MAP3K14: variants seen among roughly 807,000 people sequenced by gnomAD.
The protein encoded by MAP3K14 is mitogen-activated protein kinase kinase kinase 14.
Under a neutral mutation model 99.2 loss-of-function variants are expected in MAP3K14, and 16 were observed. That is an observed-to-expected ratio of 0.16 (90% confidence interval 0.11 to 0.24). The LOEUF is 0.24. Among genes scored for constraint, MAP3K14 ranks in the 10% least tolerant of loss-of-function variants. The pLI, the probability that MAP3K14 is intolerant of heterozygous loss-of-function variation, is 1.00. For missense variants in MAP3K14, 784 were observed against 1,208.7 expected, an observed-to-expected ratio of 0.65 and a Z score of 5.21; for synonymous variants, 462 against 492.4, an observed-to-expected ratio of 0.94 and a Z score of 0.82.
intron 5 of MAP3K14, among the ~76,000 whole-genome samples, chr17:45,285,344 G>A (rs1020598771): frequency 6.6e-6 from 1 of 152,086 alleles, no homozygotes; most frequent in East Asian, 1.9e-4. Flanking sequence ...TGGATGGAGG[G>A]GCCAGGCATG....
intron 1 of MAP3K14, among the ~76,000 whole-genome samples, chr17:45,294,881 C>A (rs2044335983): frequency 1.3e-5 from 2 of 152,226 alleles, no homozygotes; most frequent in South Asian, 2.1e-4. Context: ...ATTTTAAAAT[C>A]ATTTCCTTGT....
chr17:45,265,373 G>C (rs2044069614), intron 14 of MAP3K14, 110 bp from the exon 15 acceptor site: 1 of 730,276 alleles, frequency 1.4e-6, no homozygotes, highest in East Asian at 2.5e-5. Flanking sequence ...TCTGCCCTAT[G>C]TAGGGGGAGC....
Position 45,275,936 on chromosome 17 carries a change from A to G in MAP3K14, c.1291-1343T>C, listed in dbSNP as rs548410496. ...GCCACCAGGCCCAGATAATTTTTGT[A>G]TTTTTTAGTAGAGACGGGGTTTCAC... On this transcript the variant is annotated intron_variant, in intron 6 of 15. Coordinates refer to ENST00000344686, the MANE Select transcript of MAP3K14 (RefSeq NM_003954.5). Among the ~76,000 whole-genome samples the G allele has an allele frequency of 2.0e-5, 3 of 151,300 alleles. No homozygotes were observed. In the East Asian group the frequency reaches 5.9e-4, roughly 30 times the overall value.
At chr17:45,273,657 C>T (rs771644878) in intron 8 of MAP3K14, 50 bp from the exon 9 acceptor site, 1 of 1,434,536 alleles carries the variant, frequency 7.0e-7, no homozygotes, top group South Asian at 1.2e-5. Context: ...CATGCCGGGT[C>T]CCAGCCCACC....
intron 14 of MAP3K14, among the ~76,000 whole-genome samples, chr17:45,265,626 C>CG (rs11464766): frequency 0.19 from 29,402 of 152,018 alleles, 3,386 homozygotes; most frequent in African/African-American, 0.33. Flanking sequence ...TTAGTAGAGA[C>CG]GGGGTTTCAC....
intron 1 of MAP3K14, 45 bp from the exon 2 acceptor site, chr17:45,290,810 C>T: frequency 1.3e-6 from 2 of 1,579,862 alleles, no homozygotes; most frequent in Non-Finnish European, 1.7e-6. Flanking sequence ...AATCCCAGAC[C>T]TGGGAGAACA....
intron 6 of MAP3K14, among the ~76,000 whole-genome samples, chr17:45,276,841 T>A (rs2044184376): frequency 7.2e-6 from 1 of 139,574 alleles, no homozygotes; most frequent in Non-Finnish European, 1.5e-5. Context: ...TTTTTTTTTT[T>A]TTTTTGAGAC....
intron 1 of MAP3K14, among the ~76,000 whole-genome samples, chr17:45,291,211 C>T (rs1008780337): frequency 6.6e-6 from 1 of 152,162 alleles, no homozygotes; most frequent in African/African-American, 2.4e-5. Context: ...TGGAGAGGAC[C>T]TGTTGGCACA....
chr17:45,275,266 A>G (rs1188657553), intron 6 of MAP3K14, among the ~76,000 whole-genome samples: 1 of 152,004 alleles, frequency 6.6e-6, no homozygotes, highest in Non-Finnish European at 1.5e-5. Context: ...TCGGGAGATC[A>G]AGACCATCTT....
chr17:45,284,716 G>A, intron 6 of MAP3K14, 96 bp downstream of exon 6: 9 of 1,432,638 alleles, frequency 6.3e-6, no homozygotes, highest in South Asian at 2.8e-5. Context: ...TCAGACCCAC[G>A]GCCACCCTGC....
chr17:45,306,614 C>T (rs2044432561), intron 1 of MAP3K14, among the ~76,000 whole-genome samples: 2 of 152,228 alleles, frequency 1.3e-5, no homozygotes, highest in African/African-American at 4.8e-5. Flanking sequence ...CAAAGCCTGG[C>T]TGCAGGCTTC....
intron 3 of MAP3K14, among the ~76,000 whole-genome samples, chr17:45,287,965 G>A (rs990003039): frequency 1.4e-4 from 22 of 152,288 alleles, no homozygotes; most frequent in Middle Eastern, 3.4e-3. Context: ...TGCTGGCCTC[G>A]GGGCTCATCA....
Position 45,287,382 on chromosome 17 carries a change from G to C in MAP3K14, c.327-18C>G, listed in dbSNP as rs1475070684. ...CGGACTGGCTGTCACAAAAGGGACAGATTTGCATATTGAGCACGAGGAAGC... is the reference window on the plus strand; with the variant it reads ...CGGACTGGCTGTCACAAAAGGGACACATTTGCATATTGAGCACGAGGAAGC... On this transcript the variant is annotated intron_variant, in intron 3 of 15. Transcript: ENST00000344686. The C allele has an allele frequency of 1.2e-6, 2 of 1,608,732 alleles. No homozygotes were observed. Among genetic ancestry groups the C allele is most frequent in the Non-Finnish European group, 1.7e-6 (2 of 1,175,280 alleles).
At chr17:45,301,293 G>A (rs946411782) in intron 1 of MAP3K14, among the ~76,000 whole-genome samples, 4 of 151,890 alleles carry the variant, frequency 2.6e-5, no homozygotes, top group Non-Finnish European at 2.9e-5. Context: ...GAGAAACCCC[G>A]TCTCTACTAA....
At chr17:45,316,029 G>A (rs2044528812) in intron 1 of MAP3K14, among the ~76,000 whole-genome samples, 1 of 152,112 alleles carries the variant, frequency 6.6e-6, no homozygotes, top group African/African-American at 2.4e-5. Flanking sequence ...AATTTCATGT[G>A]CTTTTAAAGT....
intron 1 of MAP3K14, among the ~76,000 whole-genome samples, chr17:45,306,249 G>A (rs1199611241): frequency 6.6e-6 from 1 of 152,090 alleles, no homozygotes; most frequent in African/African-American, 2.4e-5. Flanking sequence ...AAGTGGCAGC[G>A]GCAGGATTTG....
chr17:45,289,542 A>C (rs2044294628), intron 2 of MAP3K14, among the ~76,000 whole-genome samples: 1 of 152,172 alleles, frequency 6.6e-6, no homozygotes, highest in South Asian at 2.1e-4. Flanking sequence ...GAAATAGCCA[A>C]GCCTATATTA....
intron 1 of MAP3K14, among the ~76,000 whole-genome samples, chr17:45,295,777 T>A (rs1312735979): frequency 6.6e-6 from 1 of 152,190 alleles, no homozygotes; most frequent in African/African-American, 2.4e-5. Context: ...TGAAGACGAG[T>A]ACATGAAATG....
rs182539375 is a variant in MAP3K14 at position 45,309,213 on chromosome 17, C to T, written c.-21+7747G>A. 5.3e-5 allele frequency among the ~76,000 whole-genome samples: 8 copies of T among 152,318 alleles called. No homozygotes were observed. The East Asian group carries it at 1.4e-3, about 26-fold the overall frequency. On this transcript the variant is annotated intron_variant, in intron 1 of 15. Coordinates refer to ENST00000344686, the MANE Select transcript of MAP3K14 (RefSeq NM_003954.5). ...AGTTGCCCAACTGTTACCAAGCTCC[C>T]GCTCCAAGCTGACAAGTGGTACAAG... is the stretch of plus-strand genomic sequence containing the variant.
Sources: gnomAD v4.1 joint callset for allele counts (sites outside exome capture counted in the v4.1 genomes callset) on GRCh38, gnomAD v4.1.1 for gene constraint, MANE v1.5 for transcripts, NCBI Gene and HGNC (gene_info 2026-07-23, HGNC 2026-07-21) for gene names.